OXR1: variants seen among roughly 807,000 people sequenced by gnomAD.
OXR1 encodes the protein oxidation resistance 1.
A neutral mutation model predicts 104.6 loss-of-function variants in OXR1; 41 were observed. The ratio of observed to expected loss-of-function variants is 0.39; its 90% CI spans 0.31 to 0.51. The LOEUF (loss-of-function observed/expected upper bound fraction) is 0.51, where lower values mean the gene tolerates loss of function less well. OXR1 is among the 20% of genes least tolerant of loss of function. OXR1 has a pLI of 0.77. For missense variants in OXR1, 955 were observed against 1,031.9 expected, an observed-to-expected ratio of 0.93 and a Z score of 1.02; for synonymous variants, 348 against 348.4, an observed-to-expected ratio of 1.00 and a Z score of 0.01.
chr8:106,663,076 A>G (rs1298471315), intron 3 of OXR1, among the ~76,000 whole-genome samples: 1 of 152,204 alleles, frequency 6.6e-6, no homozygotes, highest in Non-Finnish European at 1.5e-5. Context: ...ATTCAAAAAA[A>G]TCCAAAACAC....
In OXR1 at chr8:106,469,771, C is replaced by T. The variant is rs79943580; in HGVS notation, c.24-49172C>T. On this transcript the variant is annotated intron_variant, in intron 2 of 16. Coordinates refer to ENST00000517566, the MANE Select transcript of OXR1 (RefSeq NM_001198533.2). ...AAAAACAGGCAACAGATATATCTTA[C>T]GATATGTTGGTAAAGCCTGAAATAG... is the stretch of plus-strand genomic sequence containing the variant. 5.9e-4 allele frequency among the ~76,000 whole-genome samples: 90 copies of T among 151,810 alleles called. No individual in the cohort carries two copies. In the East Asian group the frequency reaches 0.012, roughly 21 times the overall value.
chr8:106,390,102 T>A (rs1817534245), intron 2 of OXR1, among the ~76,000 whole-genome samples: 1 of 152,122 alleles, frequency 6.6e-6, no homozygotes, highest in Non-Finnish European at 1.5e-5. Context: ...AAGTAGCAAT[T>A]TCATGATTTT....
At chr8:106,352,146 C>T (rs1453502042) in intron 1 of OXR1, among the ~76,000 whole-genome samples, 1 of 152,020 alleles carries the variant, frequency 6.6e-6, no homozygotes, top group Non-Finnish European at 1.5e-5. Flanking sequence ...ATTAATCAGG[C>T]ATCAGAAGAC....
intron 3 of OXR1, among the ~76,000 whole-genome samples, chr8:106,524,085 A>AT (rs1212927815): frequency 6.6e-6 from 1 of 152,100 alleles, no homozygotes; most frequent in African/African-American, 2.4e-5. Context: ...CTGGAGTGGA[A>AT]TTTTTTACCA....
At chr8:106,573,245 C>G (rs1215307470) in intron 3 of OXR1, among the ~76,000 whole-genome samples, 2 of 152,016 alleles carry the variant, frequency 1.3e-5, no homozygotes, top group African/African-American at 4.8e-5. Context: ...AGAACCACCC[C>G]ACCCCTGCCC....
At chr8:106,424,956 T>C (rs10955422) in intron 2 of OXR1, among the ~76,000 whole-genome samples, 35,452 of 151,826 alleles carry the variant, frequency 0.23, 5,886 homozygotes, top group African/African-American at 0.45. Context: ...TAGCGTATTT[T>C]GAACTATTGC....
At chr8:106,338,871 A>AC (rs1815076903) in intron 1 of OXR1, among the ~76,000 whole-genome samples, 1 of 151,540 alleles carries the variant, frequency 6.6e-6, no homozygotes, top group South Asian at 2.1e-4. Context: ...TCTCTCACTC[A>AC]CCCACTCTCT....
At chr8:106,446,752 AG>A (rs1820026639) in intron 2 of OXR1, among the ~76,000 whole-genome samples, 1 of 151,664 alleles carries the variant, frequency 6.6e-6, no homozygotes, top group South Asian at 2.1e-4. Flanking sequence ...GCAACATAGC[AG>A]GACTTCATCT....
At chr8:106,508,100 G>A (rs1026879487) in intron 2 of OXR1, among the ~76,000 whole-genome samples, 4 of 151,768 alleles carry the variant, frequency 2.6e-5, no homozygotes, top group South Asian at 2.1e-4. Context: ...CTTGCCCCCT[G>A]TGTCTATTTC....
intron 2 of OXR1, among the ~76,000 whole-genome samples, chr8:106,463,786 T>G (rs1014935281): frequency 6.6e-6 from 1 of 152,136 alleles, no homozygotes; most frequent in African/African-American, 2.4e-5. Context: ...GTTACTCATA[T>G]AAAGTGCTTA....
At chr8:106,478,709 C>T (rs999093278) in intron 2 of OXR1, among the ~76,000 whole-genome samples, 10 of 151,478 alleles carry the variant, frequency 6.6e-5, no homozygotes, top group Non-Finnish European at 1.3e-4. Flanking sequence ...TAACATAATA[C>T]GTATGATTAA....
intron 2 of OXR1, among the ~76,000 whole-genome samples, chr8:106,497,589 T>C (rs914632221): frequency 1.3e-5 from 2 of 152,206 alleles, no homozygotes; most frequent in South Asian, 4.1e-4. Context: ...TTCACACTTT[T>C]GGAAATATTT....
chr8:106,465,117 A>G (rs894163810), intron 2 of OXR1, among the ~76,000 whole-genome samples: 2 of 151,974 alleles, frequency 1.3e-5, no homozygotes, highest in Non-Finnish European at 2.9e-5. Context: ...GGGTGGGGTG[A>G]CATTTTAAAT....
chr8:106,733,997 T>TC (rs1834147698), intron 11 of OXR1, among the ~76,000 whole-genome samples: 1 of 78,790 alleles, frequency 1.3e-5, no homozygotes, highest in South Asian at 3.1e-4. Flanking sequence ...GGATTTTTTT[T>TC]TTTTTTTTTT....
At chr8:106,707,356 C>T in intron 9 of OXR1, 2 of 643,648 alleles carry the variant, frequency 3.1e-6, no homozygotes, top group South Asian at 3.5e-5. Flanking sequence ...TAATGAGCAT[C>T]ATTGCTACCC....
At chr8:106,343,761 A>G (rs1215179248) in intron 1 of OXR1, among the ~76,000 whole-genome samples, 1 of 152,230 alleles carries the variant, frequency 6.6e-6, no homozygotes, top group Non-Finnish European at 1.5e-5. Context: ...GACTACTTAT[A>G]ATGAAAGCAT....
Position 106,564,061 on chromosome 8 carries a change from A to C in OXR1, c.220+44922A>C, listed in dbSNP as rs138532464. 5.4e-3 allele frequency among the ~76,000 whole-genome samples: 828 copies of C among 152,328 alleles called. 7 individuals are homozygous for C. Among genetic ancestry groups the C allele is most frequent in the African/African-American group, 0.018 (764 of 41,580 alleles). On this transcript the variant is annotated intron_variant, in intron 3 of 16. Coordinates refer to ENST00000517566, the MANE Select transcript of OXR1 (RefSeq NM_001198533.2). The stretch of plus-strand genomic sequence containing the variant: ...GGAAAGACATTGAATCGACATCCTA[A>C]GATCACAATTAAAAAACTAGAGAAG...
chr8:106,751,176 G>C lies in OXR1; in HGVS notation c.*235G>C. ...TCCATGTACTAGTATAACAGCTTGG[G>C]TTTGTTAGAATTTGGGCAACATTTT... On this transcript the variant is annotated 3_prime_UTR_variant, in exon 17 of 17. Transcript: ENST00000517566. The C allele has an allele frequency of 3.1e-6, 1 of 317,818 alleles. No individual in the cohort carries two copies. Among genetic ancestry groups the C allele is most frequent in the Non-Finnish European group, 5.7e-6 (1 of 175,474 alleles). The allele number at this position is 317,818 out of a possible 1,614,324, so 19.7% of individuals were successfully genotyped here. A position where few individuals can be genotyped will look rare whatever the true frequency, so the allele number is the denominator to read the frequency against.
chr8:106,438,591 C>A (rs1819669100), intron 2 of OXR1, among the ~76,000 whole-genome samples: 1 of 152,022 alleles, frequency 6.6e-6, no homozygotes, highest in Non-Finnish European at 1.5e-5. Flanking sequence ...CTGTGCAAAT[C>A]ATTTAACTGC....
Sources: allele counts gnomAD v4.1 joint callset (sites outside exome capture counted in the v4.1 genomes callset), GRCh38; gene constraint gnomAD v4.1.1; transcripts MANE v1.5; gene names NCBI Gene and HGNC (gene_info 2026-07-23, HGNC 2026-07-21).